Variants in SYT9 observed in about 807,000 individuals in gnomAD.
SYT9 encodes synaptotagmin 9, also known as synaptotagmin-9.
A neutral mutation model predicts 48.4 loss-of-function variants in SYT9; 22 were observed. The observed-to-expected ratio is 0.45, with a 90% CI of 0.32 to 0.65. The LOEUF (loss-of-function observed/expected upper bound fraction) is 0.65, where lower values mean the gene tolerates loss of function less well. Among genes scored for constraint, SYT9 ranks in the 30% least tolerant of loss-of-function variants. SYT9 has a pLI of 0.03. For synonymous variants in SYT9, 265 were observed against 245.0 expected (o/e 1.08, Z -0.76); for missense variants, 577 against 622.0 (o/e 0.93, Z 0.77).
chr11:7,288,461 C>A (rs1172051293), intron 1 of SYT9, among the ~76,000 whole-genome samples: 1 of 152,158 alleles, frequency 6.6e-6, no homozygotes, highest in Non-Finnish European at 1.5e-5. Flanking sequence ...GAACTTCATG[C>A]CCTTTTGGGC....
At chr11:7,395,389 A>G (rs993927144) in intron 3 of SYT9, among the ~76,000 whole-genome samples, 2 of 152,026 alleles carry the variant, frequency 1.3e-5, no homozygotes, top group African/African-American at 4.8e-5. Context: ...ATTTAAATCT[A>G]TAATTTGTTT....
At chr11:7,254,014 C>T (rs1281865082) in intron 1 of SYT9, among the ~76,000 whole-genome samples, 2 of 152,176 alleles carry the variant, frequency 1.3e-5, no homozygotes, top group East Asian at 3.8e-4. Context: ...CTCTGAATCA[C>T]ATCTTTTTGG....
In SYT9 at chr11:7,361,219, C is replaced by A. The variant is rs566471572; in HGVS notation, c.1044+47278C>A. ...TTGTTGCAGTTTGTCTTTTTTCCAA[C>A]TTTTTGATGTGGTCTTTCATTGCAT... On this transcript the variant is annotated intron_variant, in intron 3 of 6. Coordinates refer to ENST00000318881, the MANE Select transcript of SYT9 (RefSeq NM_175733.4). 1.6e-4 allele frequency among the ~76,000 whole-genome samples: 24 copies of A among 151,784 alleles called. No homozygotes were observed. In the East Asian group the frequency reaches 2.5e-3, roughly 16 times the overall value.
chr11:7,256,806 T>C (rs1309891311), intron 1 of SYT9, among the ~76,000 whole-genome samples: 1 of 152,240 alleles, frequency 6.6e-6, no homozygotes, highest in Non-Finnish European at 1.5e-5. Flanking sequence ...TCTCTGTGTC[T>C]GTACCCAATG....
chr11:7,324,651 T>C (rs1305078914), intron 3 of SYT9, among the ~76,000 whole-genome samples: 3 of 151,994 alleles, frequency 2.0e-5, no homozygotes, highest in Non-Finnish European at 4.4e-5. Context: ...TTCTTTGGTC[T>C]ATATATTGTT....
At chr11:7,340,821 T>G (rs1849700198) in intron 3 of SYT9, among the ~76,000 whole-genome samples, 1 of 152,158 alleles carries the variant, frequency 6.6e-6, no homozygotes, top group Non-Finnish European at 1.5e-5. Context: ...CAGTGGGGAA[T>G]AGTGGAGTCT....
intron 3 of SYT9, among the ~76,000 whole-genome samples, chr11:7,399,654 G>A (rs1846841178): frequency 6.6e-6 from 1 of 152,238 alleles, no homozygotes; most frequent in Non-Finnish European, 1.5e-5. Flanking sequence ...CTGTTTTGGT[G>A]TTATTGCCCC....
At chr11:7,261,771 T>A (rs1200090922) in intron 1 of SYT9, among the ~76,000 whole-genome samples, 2 of 151,514 alleles carry the variant, frequency 1.3e-5, no homozygotes, top group Non-Finnish European at 2.9e-5. Flanking sequence ...ATGCTTGACG[T>A]GTTCAGATAT....
chr11:7,364,729 C>T (rs960542741), intron 3 of SYT9, among the ~76,000 whole-genome samples: 1 of 152,134 alleles, frequency 6.6e-6, no homozygotes, highest in Non-Finnish European at 1.5e-5. Context: ...TTTTGTGACC[C>T]AGTTGAAAAC....
chr11:7,453,982 G>T (rs1267971452), intron 6 of SYT9: 8 of 985,266 alleles, frequency 8.1e-6, no homozygotes, highest in Non-Finnish European at 8.4e-6. Flanking sequence ...ACCCTCTGTG[G>T]TCTCCTCTTG....
chr11:7,448,040 C>G (rs1331229828), intron 6 of SYT9, among the ~76,000 whole-genome samples: 1 of 152,244 alleles, frequency 6.6e-6, no homozygotes, highest in Non-Finnish European at 1.5e-5. Flanking sequence ...CCCTCACCAA[C>G]AGCATCTCAT....
At chr11:7,315,489 A>G (rs950732825) in intron 3 of SYT9, among the ~76,000 whole-genome samples, 2 of 152,192 alleles carry the variant, frequency 1.3e-5, no homozygotes, top group African/African-American at 4.8e-5. Context: ...CATCTCAGGT[A>G]TGGTAGGGAG....
intron 3 of SYT9, among the ~76,000 whole-genome samples, chr11:7,392,320 A>G (rs1224053938): frequency 6.6e-6 from 1 of 152,098 alleles, no homozygotes; most frequent in Non-Finnish European, 1.5e-5. Flanking sequence ...TTTCTTCTGC[A>G]TATGGTTGTC....
chr11:7,292,207 G>A (rs148448485), intron 1 of SYT9, among the ~76,000 whole-genome samples: 1 of 152,264 alleles, frequency 6.6e-6, no homozygotes, highest in East Asian at 1.9e-4. Context: ...GTTCCACAGG[G>A]TAGATGAGAG....
intron 3 of SYT9, among the ~76,000 whole-genome samples, chr11:7,333,897 G>A (rs551393028): frequency 4.9e-4 from 74 of 152,316 alleles, no homozygotes; most frequent in South Asian, 1.0e-3. Flanking sequence ...GGAAATGTGG[G>A]AAGAAGGGAC....
rs1848368907 is a variant in SYT9 at position 7,468,473 on chromosome 11, C to T, written c.*1673C>T. The T allele has an allele frequency of 2.5e-6, 1 of 395,678 alleles. No individual in the cohort carries two copies. Among genetic ancestry groups the T allele is most frequent in the Non-Finnish European group, 4.5e-6 (1 of 224,670 alleles). 24.5% of individuals were successfully genotyped at this position (395,678 alleles called of 1,614,324 possible). On this transcript the variant is annotated 3_prime_UTR_variant, in exon 7 of 7. Transcript: ENST00000318881. ...GTCTGATGACATAAGGAAAACTTGG[C>T]TTCCTCTGCTCAAGGTTCCCCTCTG...
chr11:7,385,517 A>G (rs1850641791), intron 3 of SYT9, among the ~76,000 whole-genome samples: 1 of 152,076 alleles, frequency 6.6e-6, no homozygotes, highest in African/African-American at 2.4e-5. Flanking sequence ...GGCAAATGAA[A>G]AGAATCAGAT....
chr11:7,397,653 A>G (rs1846783036), intron 3 of SYT9, among the ~76,000 whole-genome samples: 1 of 152,244 alleles, frequency 6.6e-6, no homozygotes, highest in Middle Eastern at 3.4e-3. Flanking sequence ...ATCCATGAGC[A>G]TGGAAACTCT....
Position 7,304,998 on chromosome 11 carries a change from G to T in SYT9, c.497+1608G>T, listed in dbSNP as rs531443751. 3.3e-5 allele frequency among the ~76,000 whole-genome samples: 5 copies of T among 152,186 alleles called. No homozygotes were observed. The South Asian group carries it at 1.0e-3, about 32-fold the overall frequency. ...GTGATCTTGCTAGATTTGATCTGGG[G>T]ACTCTGCCATAATTCTAACAAACTG... On this transcript the variant is annotated intron_variant, in intron 2 of 6. Coordinates refer to ENST00000318881, the MANE Select transcript of SYT9 (RefSeq NM_175733.4).
Sources: allele counts gnomAD v4.1 joint callset (sites outside exome capture counted in the v4.1 genomes callset), GRCh38; gene constraint gnomAD v4.1.1; transcripts MANE v1.5; gene names NCBI Gene and HGNC (gene_info 2026-07-23, HGNC 2026-07-21).